The following UBE2E2 variants were observed in gnomAD, a reference collection of about 807,000 sequenced individuals.
UBE2E2 encodes the protein ubiquitin conjugating enzyme E2 E2.
In UBE2E2, 6 loss-of-function variants were observed where a neutral mutation model predicts 24.7. That is an observed-to-expected ratio of 0.24 (90% confidence interval 0.13 to 0.48). UBE2E2 has a LOEUF of 0.48. Ranked by LOEUF, UBE2E2 falls within the 20% of genes least tolerant of loss-of-function variation. The pLI, the probability that UBE2E2 is intolerant of heterozygous loss-of-function variation, is 0.99. For synonymous variants in UBE2E2, 104 were observed against 83.6 expected (o/e 1.24, Z -1.33); for missense variants, 169 against 245.0 (o/e 0.69, Z 2.07).
chr3:23,233,415 A>C (rs563006975), intron 3 of UBE2E2, among the ~76,000 whole-genome samples: 2 of 152,330 alleles, frequency 1.3e-5, no homozygotes, highest in East Asian at 3.9e-4. Context: ...AATAGAATAG[A>C]TAAATTTGCA....
chr3:23,394,007 G>C (rs73823472), intron 3 of UBE2E2, among the ~76,000 whole-genome samples: 22,502 of 152,104 alleles, frequency 0.15, 1,796 homozygotes, highest in South Asian at 0.22. Context: ...CTGCCTTAGA[G>C]CATTACTGTA....
At chr3:23,437,266 C>T (rs1183399276) in intron 3 of UBE2E2, among the ~76,000 whole-genome samples, 1 of 152,144 alleles carries the variant, frequency 6.6e-6, no homozygotes, top group Non-Finnish European at 1.5e-5. Flanking sequence ...ATTGCAACTA[C>T]TATTTATAGG....
At chr3:23,379,758 C>T (rs1422585629) in intron 3 of UBE2E2, among the ~76,000 whole-genome samples, 14 of 152,078 alleles carry the variant, frequency 9.2e-5, no homozygotes, top group Admixed American at 9.2e-4. Context: ...AAAGACACCT[C>T]TCTGAGGAGG....
At chr3:23,354,996 T>C (rs1238764086) in intron 3 of UBE2E2, among the ~76,000 whole-genome samples, 5 of 151,692 alleles carry the variant, frequency 3.3e-5, no homozygotes, top group Admixed American at 6.6e-5. Context: ...CCAACAACGA[T>C]AGACTGGATT....
chr3:23,458,367 A>G (rs950007331), intron 3 of UBE2E2, among the ~76,000 whole-genome samples: 2 of 128,486 alleles, frequency 1.6e-5, no homozygotes, highest in African/African-American at 6.8e-5. Context: ...TTCTAACATC[A>G]ACAATCACTG....
intron 3 of UBE2E2, among the ~76,000 whole-genome samples, chr3:23,355,639 C>T (rs1695923161): frequency 6.6e-6 from 1 of 151,896 alleles, no homozygotes; most frequent in South Asian, 2.1e-4. Flanking sequence ...TGTTTCATGC[C>T]CTGGATTGTG....
At chr3:23,322,792 A>G (rs1321373956) in intron 3 of UBE2E2, among the ~76,000 whole-genome samples, 3 of 152,042 alleles carry the variant, frequency 2.0e-5, no homozygotes, top group Admixed American at 6.6e-5. Flanking sequence ...GAAAGCTTTC[A>G]TAAATACAGT....
chr3:23,204,010 G>T (rs955632763), intron 1 of UBE2E2, among the ~76,000 whole-genome samples: 1 of 151,970 alleles, frequency 6.6e-6, no homozygotes, highest in Non-Finnish European at 1.5e-5. Flanking sequence ...GGTGTGTGTT[G>T]TATTGGTCTT....
chr3:23,553,221 T>C (rs1022401517), intron 5 of UBE2E2, among the ~76,000 whole-genome samples: 27 of 152,144 alleles, frequency 1.8e-4, no homozygotes, highest in African/African-American at 6.5e-4. Context: ...ATTTCCCTTT[T>C]ATAGTATGAT....
chr3:23,355,273 A>T (rs1356986479), intron 3 of UBE2E2, among the ~76,000 whole-genome samples: 1 of 151,848 alleles, frequency 6.6e-6, no homozygotes, highest in Non-Finnish European at 1.5e-5. Flanking sequence ...AGATATACCT[A>T]ATGCTACATG....
chr3:23,296,441 A>G (rs1174807034), intron 3 of UBE2E2, among the ~76,000 whole-genome samples: 3 of 152,128 alleles, frequency 2.0e-5, no homozygotes, highest in South Asian at 4.2e-4. Flanking sequence ...CATTAGGTAT[A>G]TCTCCTAATG....
At chr3:23,363,634 C>T (rs181973311) in intron 3 of UBE2E2, among the ~76,000 whole-genome samples, 5 of 152,162 alleles carry the variant, frequency 3.3e-5, no homozygotes, top group African/African-American at 4.8e-5. Flanking sequence ...CCCTGGAGCA[C>T]CCAGACTCAT....
At chr3:23,537,917 G>T (rs1695303394) in intron 5 of UBE2E2, among the ~76,000 whole-genome samples, 2 of 151,642 alleles carry the variant, frequency 1.3e-5, no homozygotes, top group Non-Finnish European at 2.9e-5. Flanking sequence ...CCAAGTTTGG[G>T]AGCCGCTAGA....
At chr3:23,548,657 TTCTC>T (rs1424523895) in intron 5 of UBE2E2, among the ~76,000 whole-genome samples, 1 of 152,226 alleles carries the variant, frequency 6.6e-6, no homozygotes, top group African/African-American at 2.4e-5. Context: ...CTGCTGCTGT[TTCTC>T]TTCTCTTTTC....
At chr3:23,255,911 C>T (rs776411863) in intron 3 of UBE2E2, among the ~76,000 whole-genome samples, 28 of 152,072 alleles carry the variant, frequency 1.8e-4, no homozygotes, top group Non-Finnish European at 3.7e-4. Context: ...CTGTGGTAAG[C>T]AATGATTTTG....
At chr3:23,500,257 A>G (rs1017246872) in intron 4 of UBE2E2, among the ~76,000 whole-genome samples, 2 of 152,246 alleles carry the variant, frequency 1.3e-5, no homozygotes, top group African/African-American at 4.8e-5. Flanking sequence ...TATGACCCAC[A>G]GAGACTTAAA....
At chr3:23,336,167 G>C (rs375608065) in intron 3 of UBE2E2, among the ~76,000 whole-genome samples, 45 of 152,198 alleles carry the variant, frequency 3.0e-4, no homozygotes, top group African/African-American at 1.1e-3. Flanking sequence ...GAAATAATCA[G>C]TTTCCTAATA....
chr3:23,439,698 G>A (rs1244226918), intron 3 of UBE2E2, among the ~76,000 whole-genome samples: 1 of 152,162 alleles, frequency 6.6e-6, no homozygotes, highest in Non-Finnish European at 1.5e-5. Context: ...TGGAAAGATA[G>A]ATAACCTTTT....
chr3:23,224,976 A>G (rs62255260), intron 3 of UBE2E2, among the ~76,000 whole-genome samples: 1 of 149,182 alleles, frequency 6.7e-6, no homozygotes, highest in East Asian at 2.0e-4. Flanking sequence ...TTTTTTTTTA[A>G]TGATAGCTAT....
Sources: gnomAD v4.1 joint callset for allele counts (sites outside exome capture counted in the v4.1 genomes callset) on GRCh38, gnomAD v4.1.1 for gene constraint, MANE v1.5 for transcripts, NCBI Gene and HGNC (gene_info 2026-07-23, HGNC 2026-07-21) for gene names.